The following TGFBR3 variants were observed in gnomAD, a reference collection of about 807,000 sequenced individuals.
TGFBR3 encodes the protein transforming growth factor beta receptor type 3.
A neutral mutation model predicts 87.9 loss-of-function variants in TGFBR3; 46 were observed. The ratio of observed to expected loss-of-function variants is 0.52; its 90% confidence interval spans 0.41 to 0.67. The LOEUF (loss-of-function observed/expected upper bound fraction) is 0.67. TGFBR3 is among the 30% of genes least tolerant of loss of function. The pLI is 0.00. For synonymous variants in TGFBR3, 381 were observed against 391.6 expected (o/e 0.97, Z 0.32); for missense variants, 866 against 1,041.9 (o/e 0.83, Z 2.32).
chr1:91,833,493 C>G (rs2101093330), intron 2 of TGFBR3, among the ~76,000 whole-genome samples: 1 of 140,694 alleles, frequency 7.1e-6, no homozygotes, highest in Admixed American at 7.3e-5. Context: ...AAAGGCCAGG[C>G]ACGGTGGCTT....
intron 2 of TGFBR3, among the ~76,000 whole-genome samples, chr1:91,822,763 A>G (rs1553170147): frequency 6.6e-6 from 1 of 151,874 alleles, no homozygotes; most frequent in Admixed American, 6.6e-5. Context: ...CCATCTCTAC[A>G]CAAAAATACA....
In TGFBR3 at chr1:91,680,584, T is replaced by C. The variant is rs1670875005; in HGVS notation, c.*3155A>G. 1 of 454,010 alleles carries C rather than the reference T, an allele frequency of 2.2e-6. No homozygotes were observed. The highest frequency in any genetic ancestry group is 1.6e-5 in the South Asian group (1 of 64,476). 28.1% of individuals were successfully genotyped at this position (454,010 alleles called of 1,614,324 possible). The stretch of plus-strand genomic sequence containing the variant: ...GAAAAACCAGAAGAGAGAAGTATTG[T>C]ATTTGGAAACTGATAATAGTCCTTT... On this transcript the variant is annotated 3_prime_UTR_variant, in exon 17 of 17. Transcript: ENST00000212355.
chr1:91,837,848 G>A (rs1004783525), intron 2 of TGFBR3, among the ~76,000 whole-genome samples: 2 of 152,058 alleles, frequency 1.3e-5, no homozygotes, highest in Non-Finnish European at 2.9e-5. Context: ...TAATTTTACA[G>A]GCCCAAAAAG....
intron 2 of TGFBR3, among the ~76,000 whole-genome samples, chr1:91,817,732 A>G (rs1676285610): frequency 6.6e-6 from 1 of 152,184 alleles, no homozygotes; most frequent in South Asian, 2.1e-4. Flanking sequence ...CAAAATACAT[A>G]TTATTTCCAA....
chr1:91,816,841 TC>T (rs1265792992), intron 2 of TGFBR3, among the ~76,000 whole-genome samples: 1 of 152,194 alleles, frequency 6.6e-6, no homozygotes, highest in East Asian at 1.9e-4. Flanking sequence ...TTACTTTTTT[TC>T]CCCCAAATGA....
chr1:91,769,434 G>A lies in TGFBR3; in HGVS notation c.247-10684C>T, dbSNP rs549702980. ...AACCAACTTCTCTCTGGGCACACACGGGCCCTGTTAACCTTCCCCTTTGCC... is the reference window on the plus strand; with the variant it reads ...AACCAACTTCTCTCTGGGCACACACAGGCCCTGTTAACCTTCCCCTTTGCC... On this transcript the variant is annotated intron_variant, in intron 3 of 16. Coordinates refer to ENST00000212355, the MANE Select transcript of TGFBR3 (RefSeq NM_003243.5). 1.5e-3 allele frequency among the ~76,000 whole-genome samples: 235 copies of A among 152,044 alleles called. 1 individual carries two copies. The Middle Eastern group carries it at 0.017, about 11-fold the overall frequency.
At chr1:91,870,445 AC>A (rs1678541703) in intron 1 of TGFBR3, among the ~76,000 whole-genome samples, 1 of 152,238 alleles carries the variant, frequency 6.6e-6, no homozygotes, top group Non-Finnish European at 1.5e-5. Context: ...GCCCAGCTTT[AC>A]ACAGCTACTT....
Position 91,732,402 on chromosome 1 carries a change from G to A in TGFBR3, c.568+2374C>T, listed in dbSNP as rs1028137557. On this transcript the variant is annotated intron_variant, in intron 5 of 16. Coordinates refer to ENST00000212355, the MANE Select transcript of TGFBR3 (RefSeq NM_003243.5). ...CCAGAGTTCCTGATTCAGTTGGTCT[G>A]GGTTGGGCCTGAGAACTGGCATTTC... 2.0e-4 allele frequency among the ~76,000 whole-genome samples: 30 copies of A among 152,290 alleles called. 2 individuals carry two copies. Among genetic ancestry groups the A allele is most frequent in the Admixed American group, 1.3e-3 (20 of 15,304 alleles).
rs972312916 is a variant in TGFBR3 at position 91,727,663 on chromosome 1, A to G, written c.881T>C (p.Ile294Thr). The stretch of plus-strand genomic sequence containing the variant: ...AGACATGCTCCACCAACTTACAATA[A>G]TTTTCAGGCTTCCCTTAACATCAAA... ...KSFDVKGSLK[I>T]IAPNSIGFGK... Residue 294 changes from isoleucine to threonine, a missense_variant, in exon 7 of 17, where the codon ATT becomes ACT. Transcript: ENST00000212355. The G allele has an allele frequency of 6.2e-7, 1 of 1,613,984 alleles. No individual in the cohort carries two copies. Among genetic ancestry groups the G allele is most frequent in the Non-Finnish European group, 8.5e-7 (1 of 1,180,000 alleles).
intron 12 of TGFBR3, among the ~76,000 whole-genome samples, chr1:91,713,187 T>G (rs1365467661): frequency 1.3e-5 from 2 of 152,098 alleles, no homozygotes; most frequent in Non-Finnish European, 2.9e-5. Context: ...TGCCAAGTAC[T>G]CCCCCTTCGC....
upstream of TGFBR3, among the ~76,000 whole-genome samples, chr1:91,889,753 C>T (rs185073528): frequency 2.0e-5 from 3 of 152,126 alleles, no homozygotes; most frequent in Non-Finnish European, 4.4e-5. Flanking sequence ...CAGCTCACTG[C>T]AACCCCCACC....
At chr1:91,850,255 TTATTTAAAAGTA>T (rs978571526) in intron 2 of TGFBR3, among the ~76,000 whole-genome samples, 4 of 152,150 alleles carry the variant, frequency 2.6e-5, no homozygotes, top group African/African-American at 9.6e-5. Context: ...AACATAGTAG[TTATTTAAAAGTA>T]TAAAGAAAAG....
chr1:91,818,036 A>T (rs1676297159), intron 2 of TGFBR3, among the ~76,000 whole-genome samples: 1 of 152,092 alleles, frequency 6.6e-6, no homozygotes, highest in South Asian at 2.1e-4. Flanking sequence ...CCCACTCCTG[A>T]AAAAGGCTTG....
Position 91,861,528 on chromosome 1 carries a change from T to C in TGFBR3, c.4A>G (p.Thr2Ala). 1 of 1,613,560 alleles carries C rather than the reference T, an allele frequency of 6.2e-7. No homozygotes were observed. Among genetic ancestry groups the C allele is most frequent in the Non-Finnish European group, 8.5e-7 (1 of 1,179,474 alleles). ...AAGATGGCAATCACATAATGGGAAG[T>C]CATTTTTATTTCTCCAACAGTGCGT... M[T>A]SHYVIAIFAL... The change falls in exon 2 of 17, where the codon ACT becomes GCT. Residue 2 changes from threonine (T) to alanine (A), a missense_variant. Thr to Ala is a moderately conservative substitution (Grantham distance 58). Transcript: ENST00000212355.
chr1:91,746,646 TCAGCCAAGTCAAGTTCAAGAGCAAAAA>T (rs1444815258), intron 4 of TGFBR3, among the ~76,000 whole-genome samples: 52 of 152,216 alleles, frequency 3.4e-4, no homozygotes, highest in Non-Finnish European at 5.6e-4. Context: ...TTACATCCAA[TCAGCCAAGTCAAGTTCAAGAGCAAAAA>T]CTGATTTTTA....
At chr1:91,871,176 G>A (rs1436822939) in intron 1 of TGFBR3, among the ~76,000 whole-genome samples, 1 of 152,154 alleles carries the variant, frequency 6.6e-6, no homozygotes, top group African/African-American at 2.4e-5. Context: ...TCCAGAAACA[G>A]CTGACTTTCA....
Position 91,729,150 on chromosome 1 carries a change from TACACACACAC to T in TGFBR3, c.737+645_737+654del, listed in dbSNP as rs57364204. Among the ~76,000 whole-genome samples, 192 of 66,906 alleles carry T rather than the reference TACACACACAC, an allele frequency of 2.9e-3. 3 individuals carry two copies. The highest frequency in any genetic ancestry group is 8.3e-3 in the East Asian group (15 of 1,814). The allele number at this position is 66,906 out of a possible 152,430, so 43.9% of individuals were successfully genotyped here. On this transcript the variant is annotated intron_variant, in intron 6 of 16. Transcript: ENST00000212355. The stretch of plus-strand genomic sequence containing the variant: ...GTCACCATGGAGGGCCACTCCAGCA[TACACACACAC>T]ACACACACACACACACACACACACA...
chr1:91,823,851 T>C (rs1174125854), intron 2 of TGFBR3, among the ~76,000 whole-genome samples: 2 of 152,252 alleles, frequency 1.3e-5, no homozygotes, highest in East Asian at 3.8e-4. Context: ...TGCAATTTGC[T>C]GGGTGCAGTG....
intron 2 of TGFBR3, among the ~76,000 whole-genome samples, chr1:91,803,678 CTT>C (rs965444940): frequency 6.6e-6 from 1 of 152,058 alleles, no homozygotes; most frequent in Non-Finnish European, 1.5e-5. Flanking sequence ...AAGTGCCAAC[CTT>C]TGTCCCAAAG....
Sources: allele counts gnomAD v4.1 joint callset (sites outside exome capture counted in the v4.1 genomes callset), GRCh38; gene constraint gnomAD v4.1.1; transcripts MANE v1.5; gene names NCBI Gene and HGNC (gene_info 2026-07-23, HGNC 2026-07-21).